EFNA5: variants seen among roughly 807,000 people sequenced by gnomAD.
EFNA5 encodes the protein ephrin-A5.
In EFNA5, 5 loss-of-function variants were observed where a neutral mutation model predicts 22.9. The ratio of observed to expected loss-of-function variants is 0.22; its 90% CI spans 0.11 to 0.46. The LOEUF is 0.46. Among genes scored for constraint, EFNA5 ranks in the 20% least tolerant of loss-of-function variants. The pLI is 0.99. For synonymous variants in EFNA5, 113 were observed against 112.2 expected (o/e 1.01, Z -0.04); for missense variants, 237 against 293.3 (o/e 0.81, Z 1.40).
At chr5:107,418,675 T>G (rs1289424992) in intron 2 of EFNA5, among the ~76,000 whole-genome samples, 1 of 152,154 alleles carries the variant, frequency 6.6e-6, no homozygotes, top group Non-Finnish European at 1.5e-5. Flanking sequence ...CTTTGAAAAA[T>G]TCAGACAATG....
Position 107,394,013 on chromosome 5 carries a change from A to AG in EFNA5, c.419-6243dup, listed in dbSNP as rs1747854410. ...TAAAACAAAAGTTAGGCCTCTTCTT[A>AG]GGGAAGAATACTAAAGCAACAATTT... On this transcript the variant is annotated intron_variant, in intron 2 of 4. Coordinates refer to ENST00000333274, the MANE Select transcript of EFNA5 (RefSeq NM_001962.3). 4.6e-5 allele frequency among the ~76,000 whole-genome samples: 7 copies of AG among 152,384 alleles called. No homozygotes were observed. The South Asian group carries it at 1.4e-3, about 32-fold the overall frequency.
At chr5:107,426,690 T>C (rs181517478) in intron 2 of EFNA5, among the ~76,000 whole-genome samples, 10 of 152,328 alleles carry the variant, frequency 6.6e-5, no homozygotes, top group African/African-American at 1.7e-4. Context: ...AGACACTTCT[T>C]CACAAGTCTT....
At chr5:107,384,634 C>T (rs1747561651) in intron 4 of EFNA5, among the ~76,000 whole-genome samples, 1 of 152,056 alleles carries the variant, frequency 6.6e-6, no homozygotes, top group Admixed American at 6.5e-5. Flanking sequence ...TTCTTAGAGA[C>T]AGAATCTTGC....
chr5:107,642,240 A>G (rs995745874), intron 1 of EFNA5, among the ~76,000 whole-genome samples: 23 of 152,214 alleles, frequency 1.5e-4, no homozygotes, highest in African/African-American at 5.5e-4. Context: ...CCTTAGACAG[A>G]AGGAATAAGT....
At chr5:107,541,873 C>T (rs163893) in intron 1 of EFNA5, among the ~76,000 whole-genome samples, 26,145 of 152,114 alleles carry the variant, frequency 0.17, 2,574 homozygotes, top group Middle Eastern at 0.37. Flanking sequence ...TCTGTTCTAC[C>T]ATCTTTAAAC....
At chr5:107,565,876 T>C (rs1748655688) in intron 1 of EFNA5, among the ~76,000 whole-genome samples, 1 of 152,236 alleles carries the variant, frequency 6.6e-6, no homozygotes, top group Non-Finnish European at 1.5e-5. Context: ...GAGAAAAAGT[T>C]AATTTTACAT....
At chr5:107,564,452 C>T (rs1362593300) in intron 1 of EFNA5, among the ~76,000 whole-genome samples, 5 of 152,092 alleles carry the variant, frequency 3.3e-5, no homozygotes, top group South Asian at 2.1e-4. Flanking sequence ...CTGCAATTAG[C>T]GGATGATACT....
intron 1 of EFNA5, among the ~76,000 whole-genome samples, chr5:107,629,095 T>C (rs915748999): frequency 6.6e-6 from 1 of 152,166 alleles, no homozygotes; most frequent in Non-Finnish European, 1.5e-5. Context: ...ACCTTTGAAC[T>C]TCCATTATAT....
intron 1 of EFNA5, among the ~76,000 whole-genome samples, chr5:107,561,323 A>C (rs1289956791): frequency 6.6e-6 from 1 of 152,250 alleles, no homozygotes; most frequent in Non-Finnish European, 1.5e-5. Flanking sequence ...ACTTGTGTTA[A>C]GAGCCATGTG....
chr5:107,510,940 C>G (rs1747354375), intron 1 of EFNA5, among the ~76,000 whole-genome samples: 2 of 151,898 alleles, frequency 1.3e-5, no homozygotes, highest in Non-Finnish European at 2.9e-5. Context: ...ACCTTGTGGA[C>G]TGGATGGTCA....
At chr5:107,640,957 T>C (rs939451198) in intron 1 of EFNA5, among the ~76,000 whole-genome samples, 37 of 147,942 alleles carry the variant, frequency 2.5e-4, no homozygotes, top group Non-Finnish European at 4.3e-4. Context: ...AGCAACCTGG[T>C]AGGTAGGTAG....
chr5:107,645,036 T>A (rs1348366579), intron 1 of EFNA5, among the ~76,000 whole-genome samples: 1 of 152,180 alleles, frequency 6.6e-6, no homozygotes, highest in East Asian at 1.9e-4. Context: ...CTGGGATACA[T>A]GTGTAGGATG....
intron 2 of EFNA5, among the ~76,000 whole-genome samples, chr5:107,413,796 C>A (rs1580434795): frequency 6.6e-6 from 1 of 152,116 alleles, no homozygotes; most frequent in South Asian, 2.1e-4. Flanking sequence ...ACAGGTAAAG[C>A]AATGAGACAA....
At chr5:107,616,432 G>A (rs1264315175) in intron 1 of EFNA5, among the ~76,000 whole-genome samples, 2 of 152,192 alleles carry the variant, frequency 1.3e-5, no homozygotes, top group Non-Finnish European at 2.9e-5. Context: ...GCAGAGAGCA[G>A]CCTGGGACTT....
intron 1 of EFNA5, among the ~76,000 whole-genome samples, chr5:107,655,478 C>T (rs544254835): frequency 1.3e-4 from 20 of 152,200 alleles, no homozygotes; most frequent in African/African-American, 4.6e-4. Context: ...TTTGGTATGG[C>T]TTATGTTAGA....
intron 1 of EFNA5, among the ~76,000 whole-genome samples, chr5:107,610,097 C>A (rs1282092817): frequency 6.6e-6 from 1 of 152,100 alleles, no homozygotes; most frequent in Non-Finnish European, 1.5e-5. Flanking sequence ...CTATTATTTC[C>A]GTCCTTAAAA....
At position 107,617,832 on chromosome 5, in the gene EFNA5, A is replaced by G. The variant is rs551705423; in HGVS notation, c.125+52657T>C. ...GCCTGATAGGAGGGCATCTACTTAA[A>G]GTAAGTGGACCTATAAAAAACTCAG... On this transcript the variant is annotated intron_variant, in intron 1 of 4. Coordinates refer to ENST00000333274, the MANE Select transcript of EFNA5 (RefSeq NM_001962.3). 2.6e-5 allele frequency among the ~76,000 whole-genome samples: 4 copies of G among 152,252 alleles called. No individual in the cohort carries two copies. The East Asian group carries it at 5.8e-4, about 22-fold the overall frequency.
chr5:107,636,688 G>A (rs886133337), intron 1 of EFNA5, among the ~76,000 whole-genome samples: 1 of 152,128 alleles, frequency 6.6e-6, no homozygotes, highest in Non-Finnish European at 1.5e-5. Flanking sequence ...TCATGTTCTT[G>A]AATACAGATG....
intron 2 of EFNA5, among the ~76,000 whole-genome samples, chr5:107,419,183 A>G (rs1223024214): frequency 1.3e-5 from 2 of 152,220 alleles, no homozygotes; most frequent in African/African-American, 4.8e-5. Flanking sequence ...TTTTCATAAG[A>G]GGAAATTACA....
Sources: gnomAD v4.1 joint callset for allele counts (sites outside exome capture counted in the v4.1 genomes callset) on GRCh38, gnomAD v4.1.1 for gene constraint, MANE v1.5 for transcripts, NCBI Gene and HGNC (gene_info 2026-07-23, HGNC 2026-07-21) for gene names.